The following THSD4 variants were observed in gnomAD, a reference collection of about 807,000 sequenced individuals.
THSD4 encodes the protein thrombospondin type 1 domain containing 4.
A neutral mutation model predicts 119.0 loss-of-function variants in THSD4; 69 were observed. The ratio of observed to expected loss-of-function variants is 0.58; its 90% CI spans 0.48 to 0.71. THSD4 has a LOEUF of 0.71. Ranked by LOEUF, THSD4 falls within the 30% of genes least tolerant of loss-of-function variation. THSD4 has a pLI of 0.00. For synonymous variants in THSD4, 524 were observed against 540.4 expected, an observed-to-expected ratio of 0.97 and a Z score of 0.42; for missense variants, 1,393 against 1,391.1, an observed-to-expected ratio of 1.00 and a Z score of -0.02.
rs1164646480 is a variant in THSD4 at position 71,237,514 on chromosome 15, A to G, written c.465-5135A>G. Among the ~76,000 whole-genome samples the G allele has an allele frequency of 5.3e-5, 8 of 152,314 alleles. No individual in the cohort carries two copies. In the South Asian group the frequency reaches 1.5e-3, roughly 28 times the overall value. ...TGACTTCGAAGTGACACGTGGAGCT[A>G]TCAAAGTGCAGTCCCAGGACCCACC... On this transcript the variant is annotated intron_variant, in intron 4 of 17. Transcript: ENST00000261862.
chr15:71,667,588 G>C (rs928601800), intron 8 of THSD4, among the ~76,000 whole-genome samples: 1 of 152,168 alleles, frequency 6.6e-6, no homozygotes. Context: ...TTAAACAACA[G>C]TAATGGTCAG....
Position 71,642,865 on chromosome 15 carries a change from G to A in THSD4, c.1153-17665G>A, listed in dbSNP as rs556142924. 4.6e-5 allele frequency among the ~76,000 whole-genome samples: 7 copies of A among 152,184 alleles called. No individual in the cohort carries two copies. The South Asian group carries it at 1.0e-3, about 23-fold the overall frequency. On this transcript the variant is annotated intron_variant, in intron 7 of 17. Coordinates refer to ENST00000261862, the MANE Select transcript of THSD4 (RefSeq NM_024817.3). ...ACCTAATGCTAAATGACGAGTTAAT[G>A]GGTGCAGCACACCAGCATGGCACAT...
At chr15:71,268,074 AT>A (rs754726548) in intron 6 of THSD4, among the ~76,000 whole-genome samples, 5 of 152,218 alleles carry the variant, frequency 3.3e-5, no homozygotes, top group Non-Finnish European at 7.3e-5. Flanking sequence ...TAACAAGGAT[AT>A]TCAGGACTTG....
chr15:71,314,213 C>G (rs1439871396), intron 6 of THSD4, among the ~76,000 whole-genome samples: 2 of 151,050 alleles, frequency 1.3e-5, no homozygotes, highest in African/African-American at 2.4e-5. Flanking sequence ...TTTTTTTTCT[C>G]TTTTGTTTGA....
chr15:71,322,730 TGGGCCTCTCCACAA>T (rs1210831892), intron 6 of THSD4, among the ~76,000 whole-genome samples: 4 of 152,122 alleles, frequency 2.6e-5, no homozygotes, highest in Non-Finnish European at 5.9e-5. Flanking sequence ...TCTCTCCACA[TGGGCCTCTCCACAA>T]GGCTGCTTGA....
Position 71,723,126 on chromosome 15 carries a change from C to A in THSD4, c.1358-5423C>A, listed in dbSNP as rs188295236. ...GGGCAGATAATATCCTTGTTAGAAACATTTTTGTATACTCATAGAAGTATA... is the reference window on the plus strand; with the variant it reads ...GGGCAGATAATATCCTTGTTAGAAAAATTTTTGTATACTCATAGAAGTATA... On this transcript the variant is annotated intron_variant, in intron 8 of 17. Transcript: ENST00000261862. Among the ~76,000 whole-genome samples, 11 of 150,250 alleles carry A rather than the reference C, an allele frequency of 7.3e-5. No individual in the cohort carries two copies. In the East Asian group the frequency reaches 2.0e-3, roughly 27 times the overall value.
intron 7 of THSD4, among the ~76,000 whole-genome samples, chr15:71,617,802 A>T (rs934398479): frequency 3.9e-5 from 6 of 152,232 alleles, no homozygotes; most frequent in Admixed American, 3.9e-4. Context: ...GTGACTATTT[A>T]ATAACACTAA....
chr15:71,627,276 G>A (rs952515268), intron 7 of THSD4, among the ~76,000 whole-genome samples: 2 of 152,220 alleles, frequency 1.3e-5, no homozygotes, highest in Non-Finnish European at 2.9e-5. Context: ...AAGATGTTCA[G>A]CTCATATGGG....
chr15:71,507,100 G>A (rs894465739), intron 7 of THSD4, among the ~76,000 whole-genome samples: 2 of 152,222 alleles, frequency 1.3e-5, no homozygotes, highest in Admixed American at 6.5e-5. Context: ...TGAGACATGA[G>A]CACATGCCTC....
At chr15:71,389,242 C>T (rs547769065) in intron 6 of THSD4, among the ~76,000 whole-genome samples, 1 of 152,280 alleles carries the variant, frequency 6.6e-6, no homozygotes, top group African/African-American at 2.4e-5. Flanking sequence ...TTCTTTTCAT[C>T]TTCCAAAATG....
intron 10 of THSD4, 52 bp from the exon 11 acceptor site, chr15:71,737,680 C>T: frequency 2.0e-6 from 3 of 1,520,568 alleles, no homozygotes. Flanking sequence ...CTCTTTACAA[C>T]TCAGGGTCTA....
intron 6 of THSD4, among the ~76,000 whole-genome samples, chr15:71,377,024 G>A (rs547900474): frequency 6.6e-6 from 1 of 152,286 alleles, no homozygotes; most frequent in Non-Finnish European, 1.5e-5. Context: ...AAAGGAGGTG[G>A]CCACAGTTAT....
At chr15:71,430,060 TTGTG>T (rs1233294737) in intron 7 of THSD4, among the ~76,000 whole-genome samples, 1 of 152,160 alleles carries the variant, frequency 6.6e-6, no homozygotes, top group African/African-American at 2.4e-5. Context: ...GGATTTTAGT[TTGTG>T]TGTAAGTTTG....
intron 7 of THSD4, among the ~76,000 whole-genome samples, chr15:71,637,893 G>A (rs533188072): frequency 6.6e-6 from 1 of 151,826 alleles, no homozygotes; most frequent in East Asian, 1.9e-4. Flanking sequence ...ACCTGGCTAA[G>A]TTTTTGTATT....
intron 3 of THSD4, among the ~76,000 whole-genome samples, chr15:71,161,167 C>T (rs186642656): frequency 5.9e-4 from 90 of 152,136 alleles, no homozygotes; most frequent in Middle Eastern, 6.8e-3. Flanking sequence ...TGTGGCCTGA[C>T]GTGTGATCTA....
chr15:71,130,120 T>C (rs1338671305), intron 1 of THSD4, among the ~76,000 whole-genome samples: 1 of 152,180 alleles, frequency 6.6e-6, no homozygotes, highest in Non-Finnish European at 1.5e-5. Context: ...ACCAGGTAAA[T>C]GTGAACACAG....
rs773356241 is a variant in THSD4 at position 71,141,556 on chromosome 15, G to C, written c.29G>C (p.Ser10Thr). 1 of 1,608,510 alleles carries C rather than the reference G, an allele frequency of 6.2e-7. No individual in the cohort carries two copies. Among genetic ancestry groups the C allele is most frequent in the South Asian group, 1.1e-5 (1 of 89,508 alleles). MVSHFMGSL[S>T]VLCFLLLLGF... ...GTTTCCCATTTCATGGGGTCTCTCAGGTAAGTGAAGAAACTTTTTTTAAAA... is the reference window on the plus strand; with the variant it reads ...GTTTCCCATTTCATGGGGTCTCTCACGTAAGTGAAGAAACTTTTTTTAAAA... The change falls in exon 2 of 18, where the codon AGT (serine) becomes ACT (threonine). Residue 10 changes from serine to threonine, a missense_variant and splice_region_variant. Ser to Thr is a moderately conservative substitution (Grantham distance 58). Transcript: ENST00000261862.
intron 6 of THSD4, among the ~76,000 whole-genome samples, chr15:71,367,701 G>A (rs956800650): frequency 6.6e-6 from 1 of 152,172 alleles, no homozygotes; most frequent in Non-Finnish European, 1.5e-5. Flanking sequence ...CATTTGGGTT[G>A]GTTCCAAGTC....
At chr15:71,199,456 G>T (rs1410574493) in intron 3 of THSD4, among the ~76,000 whole-genome samples, 13 of 145,232 alleles carry the variant, frequency 9.0e-5, no homozygotes, top group African/African-American at 2.5e-4. Flanking sequence ...TGTGTGTGGG[G>T]GGGGGTGTGT....
Sources: allele counts gnomAD v4.1 joint callset (sites outside exome capture counted in the v4.1 genomes callset), GRCh38; gene constraint gnomAD v4.1.1; transcripts MANE v1.5; gene names NCBI Gene and HGNC (gene_info 2026-07-23, HGNC 2026-07-21).